Variants in ENO4 observed in about 807,000 individuals in gnomAD.
ENO4 encodes 2-phospho-D-glycerate hydro-lyase.
A neutral mutation model predicts 63.2 loss-of-function variants in ENO4; 53 were observed. The ratio of observed to expected loss-of-function variants is 0.84; its 90% CI spans 0.67 to 1.05. The LOEUF is 1.05. Ranked by LOEUF, ENO4 falls within the 50% of genes least tolerant of loss-of-function variation. ENO4 has a pLI of 0.00. For missense variants in ENO4, 719 were observed against 772.0 expected, an observed-to-expected ratio of 0.93 and a Z score of 0.81; for synonymous variants, 266 against 283.8, an observed-to-expected ratio of 0.94 and a Z score of 0.63.
chr10:116,866,476 G>A (rs1429377610), intron 7 of ENO4, among the ~76,000 whole-genome samples: 2 of 152,210 alleles, frequency 1.3e-5, no homozygotes, highest in African/African-American at 4.8e-5. Flanking sequence ...CTGCCACGGT[G>A]AGCCTCTTAC....
intron 10 of ENO4, among the ~76,000 whole-genome samples, chr10:116,875,642 CA>C (rs747208543): frequency 9.9e-5 from 15 of 151,852 alleles, no homozygotes; most frequent in Non-Finnish European, 1.9e-4. Flanking sequence ...ATGATAGTCT[CA>C]CCAACAAAAA....
At chr10:116,904,931 G>C (rs961494156) in intron 10 of ENO4, among the ~76,000 whole-genome samples, 2 of 151,944 alleles carry the variant, frequency 1.3e-5, no homozygotes, top group South Asian at 2.2e-4. Context: ...GCCGGGCGCG[G>C]TGGCTCACGC....
rs1455737860 is a variant in ENO4 at position 116,849,576 on chromosome 10, G to A, written c.10G>A (p.Glu4Lys). MEE[E>K]GGGRSCGTTR... is the part of the protein sequence containing the mutation. ...CCTTAAATCTCCTACCATGGAGGAA[G>A]AAGGCGGCGGCCGCAGCTGTGGGAC... Residue 4 changes from glutamate (E) to lysine (K), a missense_variant, in exon 1 of 14, where the codon GAA (glutamate) becomes AAA (lysine). Glu to Lys is a moderately conservative substitution (Grantham distance 56). Transcript: ENST00000341276. The A allele has an allele frequency of 6.5e-7, 1 of 1,543,150 alleles. No homozygotes were observed. The highest frequency in any genetic ancestry group is 8.7e-7 in the Non-Finnish European group (1 of 1,143,464).
chr10:116,907,490 G>A (rs1293761499), intron 10 of ENO4, among the ~76,000 whole-genome samples: 1 of 152,168 alleles, frequency 6.6e-6, no homozygotes, highest in African/African-American at 2.4e-5. Context: ...AGAAGACAGA[G>A]GAAGATCCAT....
chr10:116,880,434 C>T (rs2133284482), intron 13 of ENO4, among the ~76,000 whole-genome samples: 1 of 152,308 alleles, frequency 6.6e-6, no homozygotes, highest in South Asian at 2.1e-4. Context: ...AGAAATCGAT[C>T]ATTTAATGAA....
chr10:116,888,015 G>A (rs1847218750), intron 10 of ENO4, among the ~76,000 whole-genome samples: 3 of 152,170 alleles, frequency 2.0e-5, no homozygotes, highest in Non-Finnish European at 1.5e-5. Context: ...TGTAAGATCT[G>A]TCCAAATGTT....
chr10:116,868,524 C>T (rs1176625911), intron 7 of ENO4, 126 bp from the exon 8 acceptor site: 8 of 763,606 alleles, frequency 1.0e-5, no homozygotes, highest in East Asian at 8.0e-5. Context: ...CGTGTGTGTG[C>T]GTGTATGTGT....
At chr10:116,909,696 A>C (rs1010798967) in intron 10 of ENO4, among the ~76,000 whole-genome samples, 2 of 152,174 alleles carry the variant, frequency 1.3e-5, no homozygotes, top group African/African-American at 2.4e-5. Flanking sequence ...TCAACTCAGA[A>C]AATAGAATAG....
At position 116,876,155 on chromosome 10, in the gene ENO4, C is replaced by T; in HGVS notation, c.1432C>T (p.Leu478=). The change falls in exon 11 of 14, where the codon CTA becomes TTA. Residue 478 remains leucine, a synonymous_variant. Coordinates refer to ENST00000341276, the MANE Select transcript of ENO4 (RefSeq NM_001242699.2). ...TGCTTCCAAAAGCATTTCTAAACTTCTAGAGCAAGGAAACATCAGCATCCC... is the reference window on the plus strand; with the variant it reads ...TGCTTCCAAAAGCATTTCTAAACTTTTAGAGCAAGGAAACATCAGCATCCC... ...GTASKSISKL[L]EQGNISIPKS... is the part of the protein sequence containing the mutation. 6.4e-7 allele frequency: 1 copy of T among 1,550,736 alleles called. No individual in the cohort carries two copies. Among genetic ancestry groups the T allele is most frequent in the South Asian group, 1.2e-5 (1 of 84,036 alleles).
intron 10 of ENO4, among the ~76,000 whole-genome samples, chr10:116,893,576 G>GCACACACACACACACACACATACACA (rs1847411713): frequency 8.1e-6 from 1 of 123,524 alleles, no homozygotes; most frequent in Non-Finnish European, 1.6e-5. Context: ...GCACTCATGT[G>GCACACACACACACACACACATACACA]CACACACACA....
intron 10 of ENO4, among the ~76,000 whole-genome samples, chr10:116,890,261 G>T (rs1345146240): frequency 2.6e-5 from 4 of 152,180 alleles, no homozygotes; most frequent in Admixed American, 2.6e-4. Flanking sequence ...CCTGTCTCCT[G>T]CATGCCACAA....
chr10:116,903,161 A>T (rs1847815019), intron 10 of ENO4, among the ~76,000 whole-genome samples: 1 of 152,196 alleles, frequency 6.6e-6, no homozygotes, highest in African/African-American at 2.4e-5. Context: ...ACAAAGCATT[A>T]GTTTCTATCT....
At chr10:116,851,410 C>T (rs923848764) in intron 1 of ENO4, among the ~76,000 whole-genome samples, 1 of 152,214 alleles carries the variant, frequency 6.6e-6, no homozygotes, top group African/African-American at 2.4e-5. Context: ...AAGCAAACTC[C>T]TTGAACCTGG....
In ENO4 at chr10:116,881,536, T is replaced by C. The variant is rs953823932; in HGVS notation, c.1745T>C (p.Phe582Ser). 4.5e-6 allele frequency: 7 copies of C among 1,545,038 alleles called. No homozygotes were observed. Among genetic ancestry groups the C allele is most frequent in the East Asian group, 2.4e-5 (1 of 40,880 alleles). Reference protein sequence around the residue: ...GTLGFKEEHTFFYFNEEAEKA... With the variant: ...GTLGFKEEHTSFYFNEEAEKA... ...ATAGGTTTCAAAGAAGAACACACTTTTTTTTACTTTAATGAGGAAGCTGAA... is the reference window on the plus strand; with the variant it reads ...ATAGGTTTCAAAGAAGAACACACTTCTTTTTACTTTAATGAGGAAGCTGAA... The change falls in exon 14 of 14, where the codon TTT becomes TCT. Residue 582 changes from phenylalanine (F) to serine (S), a missense_variant. By Grantham distance (155) the Phe-to-Ser change is radical (BLOSUM62 -2). Around this residue, in one of 3 missense-constraint regions of ENO4, gnomAD observed 168 missense variants for 163.3 expected, o/e 1.03. Transcript: ENST00000341276.
downstream of ENO4, chr10:116,885,473 G>A (rs1021326871): frequency 6.6e-6 from 1 of 152,344 alleles, no homozygotes; most frequent in African/African-American, 2.4e-5. Flanking sequence ...CAACAAACCT[G>A]TGTAATATAG....
At chr10:116,886,522 T>C, downstream of ENO4, 1 of 1,614,188 alleles carries the variant, frequency 6.2e-7, no homozygotes, top group Non-Finnish European at 8.5e-7. Flanking sequence ...GGCTTGTTTT[T>C]CACCGTCAAT....
exon 11 of ENO4, chr10:116,911,536 G>A: frequency 1.3e-6 from 2 of 1,550,558 alleles, no homozygotes; most frequent in Non-Finnish European, 1.7e-6. Flanking sequence ...GGATTGGAGG[G>A]CAAGAACAGG....
At chr10:116,865,988 C>A (rs545362372) in intron 7 of ENO4, among the ~76,000 whole-genome samples, 2 of 152,270 alleles carry the variant, frequency 1.3e-5, no homozygotes, top group East Asian at 3.9e-4. Flanking sequence ...ACTATTATTA[C>A]CCCTATTACA....
At chr10:116,870,353 C>T (rs1360449613) in intron 8 of ENO4, among the ~76,000 whole-genome samples, 1 of 152,206 alleles carries the variant, frequency 6.6e-6, no homozygotes, top group Admixed American at 6.5e-5. Flanking sequence ...TTCAGTATTG[C>T]ATCCTCTTAG....
Sources: gnomAD v4.1 joint callset for allele counts (sites outside exome capture counted in the v4.1 genomes callset) on GRCh38, gnomAD v4.1.1 for gene constraint, gnomAD v4.1.1 regional missense constraint, MANE v1.5 for transcripts, NCBI Gene and HGNC (gene_info 2026-07-23, HGNC 2026-07-21) for gene names.